Variants in CFAP20DC observed in about 807,000 individuals in gnomAD.
CFAP20DC encodes the protein protein CFAP20DC.
CFAP20DC carries 84 observed loss-of-function variants against 101.7 expected under a neutral mutation model. The observed-to-expected ratio is 0.83, with a 90% CI of 0.69 to 0.99. The LOEUF is 0.99. Ranked by LOEUF, CFAP20DC falls within the 50% of genes least tolerant of loss-of-function variation. The probability of loss-of-function intolerance (pLI) is 0.00; values close to 1 mark genes in which losing one functional copy is unlikely to be tolerated. For missense variants in CFAP20DC, 1,007 were observed against 970.3 expected (o/e 1.04, Z -0.50); for synonymous variants, 359 against 351.2 (o/e 1.02, Z -0.25).
chr3:58,882,095 C>G lies in CFAP20DC; in HGVS notation c.715+2450G>C, dbSNP rs2081273002. Among the ~76,000 whole-genome samples, 1 of 152,110 alleles carries G rather than the reference C, an allele frequency of 6.6e-6. No individual in the cohort carries two copies. On this transcript the variant is annotated intron_variant, in intron 7 of 16. Transcript: ENST00000482387. The surrounding 1 kb of genome is among the most constrained non-coding windows in gnomAD (Gnocchi z 4.2). ...AGTGCAATCATAAACCCTATGGTTA[C>G]AAACGAATATAATTGGGATTCACAG...
In CFAP20DC at chr3:59,012,471, C is replaced by T. The variant is rs146987385; in HGVS notation, c.278+27086G>A. On this transcript the variant is annotated intron_variant, in intron 4 of 16. Transcript: ENST00000482387. ...AGTATGTGATAGTTTCCGGATCCTA[C>T]CAAGAGTCCAGTGGTTTTAGACAGC... 4.5e-3 allele frequency among the ~76,000 whole-genome samples: 679 copies of T among 150,742 alleles called. 6 individuals carry two copies. The highest frequency in any genetic ancestry group is 0.016 in the South Asian group (77 of 4,776).
At chr3:58,853,757 A>T (rs1357199249) in intron 12 of CFAP20DC, among the ~76,000 whole-genome samples, 9 of 152,208 alleles carry the variant, frequency 5.9e-5, no homozygotes, top group Non-Finnish European at 1.5e-5. Context: ...CAATAGATGC[A>T]GAAAAGGCCT....
chr3:59,001,343 G>C lies in CFAP20DC; in HGVS notation c.278+38214C>G, dbSNP rs988816151. Among the ~76,000 whole-genome samples, 4 of 152,026 alleles carry C rather than the reference G, an allele frequency of 2.6e-5. No individual in the cohort carries two copies. The highest frequency in any genetic ancestry group is 2.0e-4 in the Admixed American group (3 of 15,268). ...GCATACCACTAGAGGAAAGGGGGTG[G>C]TAATCTTATGCTTAGGAGTTTGGCC... On this transcript the variant is annotated intron_variant, in intron 4 of 16. Coordinates refer to ENST00000482387, the MANE Select transcript of CFAP20DC (RefSeq NM_001394063.1). This position sits in a 1 kb window ranked among gnomAD's most constrained non-coding sequence, Gnocchi z 4.5.
chr3:58,757,000 C>G (rs185058055), intron 15 of CFAP20DC, among the ~76,000 whole-genome samples: 1 of 152,082 alleles, frequency 6.6e-6, no homozygotes, highest in Non-Finnish European at 1.5e-5. Context: ...GCAATGATTG[C>G]AATGAACACT....
In CFAP20DC at chr3:58,796,115, C is replaced by A. The variant is rs114420630; in HGVS notation, c.2237+10280G>T. Among the ~76,000 whole-genome samples, 314 of 152,282 alleles carry A rather than the reference C, an allele frequency of 2.1e-3. 2 individuals carry two copies. The highest frequency in any genetic ancestry group is 7.4e-3 in the African/African-American group (306 of 41,566). Reference sequence around the variant, plus strand: ...AACTGGACCAGGGATACAATTTGAGCAAACTCACTTAGGTAGAAGAAATAA... The same window carrying A: ...AACTGGACCAGGGATACAATTTGAGAAAACTCACTTAGGTAGAAGAAATAA... On this transcript the variant is annotated intron_variant, in intron 15 of 16. Transcript: ENST00000482387.
chr3:59,027,097 G>A (rs1365368435), intron 4 of CFAP20DC, among the ~76,000 whole-genome samples: 2 of 152,122 alleles, frequency 1.3e-5, no homozygotes, highest in East Asian at 3.9e-4. Context: ...CTAGGAAGCA[G>A]AGCAAAAGGA....
intron 4 of CFAP20DC, among the ~76,000 whole-genome samples, chr3:58,982,744 C>T (rs1344753074): frequency 1.3e-5 from 2 of 149,472 alleles, no homozygotes; most frequent in African/African-American, 4.9e-5. Context: ...CATTAGGAGA[C>T]ATACCTAATG....
chr3:58,917,209 C>A (rs921103633), intron 5 of CFAP20DC, among the ~76,000 whole-genome samples: 2 of 152,064 alleles, frequency 1.3e-5, no homozygotes, highest in African/African-American at 4.8e-5. Context: ...TGATTCAAAG[C>A]ATGAATTTCT....
intron 4 of CFAP20DC, among the ~76,000 whole-genome samples, chr3:58,951,406 G>A: frequency 6.6e-6 from 1 of 152,032 alleles, no homozygotes; most frequent in Non-Finnish European, 1.5e-5. Flanking sequence ...CCCATTACTG[G>A]GTATATACCC....
At position 58,864,491 on chromosome 3, in the gene CFAP20DC, A is replaced by G. The variant is rs1425083600; in HGVS notation, c.1259-599T>C. Among the ~76,000 whole-genome samples the G allele has an allele frequency of 1.3e-5, 2 of 152,230 alleles. No individual in the cohort carries two copies. Among genetic ancestry groups the G allele is most frequent in the Non-Finnish European group, 2.9e-5 (2 of 68,036 alleles). ...CTGAAATAATTATCACCTGTCTTGC[A>G]GCAAGTTCTTTACAGGACAACCTTA... On this transcript the variant is annotated intron_variant, in intron 11 of 16. Transcript: ENST00000482387. This position sits in a 1 kb window ranked among gnomAD's most constrained non-coding sequence, Gnocchi z 4.7.
downstream of CFAP20DC, chr3:58,742,006 T>C: frequency 1.1e-6 from 1 of 873,714 alleles, no homozygotes; most frequent in Non-Finnish European, 1.4e-6. Flanking sequence ...GTTTAAAAGC[T>C]ATTCTTCTTA....
intron 4 of CFAP20DC, among the ~76,000 whole-genome samples, chr3:59,026,754 TC>T (rs1474449089): frequency 6.6e-6 from 1 of 152,160 alleles, no homozygotes; most frequent in Non-Finnish European, 1.5e-5. Flanking sequence ...GGAGCAAAAT[TC>T]AATAGGGTAG....
In CFAP20DC at chr3:58,912,112, T is replaced by C. The variant is rs1224680400; in HGVS notation, c.550+1596A>G. 6.6e-6 allele frequency among the ~76,000 whole-genome samples: 1 copy of C among 152,192 alleles called. No homozygotes were observed. Among genetic ancestry groups the C allele is most frequent in the Non-Finnish European group, 1.5e-5 (1 of 68,032 alleles). ...CTCCCATATTCTTTATTCTGGTGGA[T>C]TTATGCCTTTTTTATTCCTATATAG... On this transcript the variant is annotated intron_variant, in intron 6 of 16. Transcript: ENST00000482387. This position sits in a 1 kb window ranked among gnomAD's most constrained non-coding sequence, Gnocchi z 4.4.
At chr3:58,833,766 C>A (rs897732263) in intron 13 of CFAP20DC, among the ~76,000 whole-genome samples, 1 of 152,138 alleles carries the variant, frequency 6.6e-6, no homozygotes, top group Non-Finnish European at 1.5e-5. Flanking sequence ...AAAACTTGCA[C>A]ACAAATGTTC....
In CFAP20DC at chr3:58,870,911, A is replaced by G. The variant is rs1184508809; in HGVS notation, c.716-602T>C. 3.3e-5 allele frequency among the ~76,000 whole-genome samples: 5 copies of G among 150,010 alleles called. No individual in the cohort carries two copies. In the South Asian group the frequency reaches 8.4e-4, roughly 25 times the overall value. ...CTCCGTCTCAAAAAAAAAAAAAAAA[A>G]AAAAAAAAAAAAAGAAAAAAGGAAA... is the stretch of plus-strand genomic sequence containing the variant. On this transcript the variant is annotated intron_variant, in intron 7 of 16. Transcript: ENST00000482387.
chr3:58,879,770 C>T (rs1019461061), intron 7 of CFAP20DC, among the ~76,000 whole-genome samples: 3 of 151,634 alleles, frequency 2.0e-5, no homozygotes, highest in Non-Finnish European at 4.4e-5. Context: ...ATTATTAGAG[C>T]CCCGAGTTCA....
rs2073194675 is a variant in CFAP20DC at position 58,795,752 on chromosome 3, C to T, written c.2237+10643G>A. 1.3e-5 allele frequency among the ~76,000 whole-genome samples: 2 copies of T among 152,170 alleles called. No homozygotes were observed. Among genetic ancestry groups the T allele is most frequent in the Admixed American group, 1.3e-4 (2 of 15,282 alleles). ...GATGTGATCTATTGTTCTGAAACTCCTAGGGGAATGGGTTTCATAAGTTTA... is the reference window on the plus strand; with the variant it reads ...GATGTGATCTATTGTTCTGAAACTCTTAGGGGAATGGGTTTCATAAGTTTA... On this transcript the variant is annotated intron_variant, in intron 15 of 16. Transcript: ENST00000482387. This position sits in a 1 kb window ranked among gnomAD's most constrained non-coding sequence, Gnocchi z 4.2.
chr3:58,957,651 C>A (rs532409134), intron 4 of CFAP20DC, among the ~76,000 whole-genome samples: 3 of 152,224 alleles, frequency 2.0e-5, no homozygotes, highest in East Asian at 1.9e-4. Context: ...TACTTACATA[C>A]AATGGAGTAT....
At chr3:58,961,993 T>G (rs2091179830) in intron 4 of CFAP20DC, among the ~76,000 whole-genome samples, 1 of 152,236 alleles carries the variant, frequency 6.6e-6, no homozygotes, top group African/African-American at 2.4e-5. Context: ...ATTGATTTAC[T>G]GTTCTGTTTT....
Sources: gnomAD v4.1 joint callset for allele counts (sites outside exome capture counted in the v4.1 genomes callset) on GRCh38, gnomAD v4.1.1 for gene constraint, Gnocchi (gnomAD v3.1) non-coding constraint, MANE v1.5 for transcripts, NCBI Gene and HGNC (gene_info 2026-07-23, HGNC 2026-07-21) for gene names.